LY86: variants seen among roughly 807,000 people sequenced by gnomAD.
LY86 encodes the protein lymphocyte antigen 86.
LY86 carries 20 observed loss-of-function variants against 17.3 expected under a neutral mutation model. The ratio of observed to expected loss-of-function variants is 1.15; its 90% CI spans 0.81 to 1.68. The LOEUF is 1.68. LY86 is among the 40% of genes most tolerant of loss of function. LY86 has a pLI of 0.00. For synonymous variants in LY86, 74 were observed against 70.6 expected (o/e 1.05, Z -0.24); for missense variants, 200 against 191.9 (o/e 1.04, Z -0.25).
In LY86 at chr6:6,595,062, G is replaced by A. The variant is rs529608800; in HGVS notation, c.136+6192G>A. 5.3e-5 allele frequency among the ~76,000 whole-genome samples: 8 copies of A among 152,032 alleles called. No homozygotes were observed. In the South Asian group the frequency reaches 6.2e-4, roughly 12 times the overall value. ...AGTCTTCGGGTAAAAAAGTGAAAAC[G>A]CCAAGCAGTCTGTGGACCAGCAAAA... is the stretch of plus-strand genomic sequence containing the variant. On this transcript the variant is annotated intron_variant, in intron 1 of 4. Coordinates refer to ENST00000230568, the MANE Select transcript of LY86 (RefSeq NM_004271.4).
rs147717233 is a variant in LY86 at position 6,604,938 on chromosome 6, A to G, written c.136+16068A>G. Among the ~76,000 whole-genome samples, 679 of 152,250 alleles carry G rather than the reference A, an allele frequency of 4.5e-3. 3 individuals are homozygous for G. Among genetic ancestry groups the G allele is most frequent in the Non-Finnish European group, 6.9e-3 (466 of 68,010 alleles). On this transcript the variant is annotated intron_variant, in intron 1 of 4. Transcript: ENST00000230568. The stretch of plus-strand genomic sequence containing the variant: ...ACTCTCATAGAAAAGAGAAAATAAC[A>G]ATCAACGTAGAACCTAGAATTCTAT...
At chr6:6,601,019 T>C (rs1581232432) in intron 1 of LY86, among the ~76,000 whole-genome samples, 1 of 152,274 alleles carries the variant, frequency 6.6e-6, no homozygotes, top group East Asian at 1.9e-4. Context: ...TTCCAAAAAA[T>C]ACCTGAGGGG....
At chr6:6,589,233 T>A (rs1049107212) in intron 1 of LY86, among the ~76,000 whole-genome samples, 4 of 152,218 alleles carry the variant, frequency 2.6e-5, no homozygotes, top group African/African-American at 9.7e-5. Context: ...CAGTAGGCCC[T>A]TCCTCAACAC....
intron 1 of LY86, among the ~76,000 whole-genome samples, chr6:6,601,139 A>G (rs1223923200): frequency 6.6e-6 from 1 of 152,130 alleles, no homozygotes; most frequent in African/African-American, 2.4e-5. Context: ...TTTAGAGTCA[A>G]TAACAAAAAC....
intron 1 of LY86, among the ~76,000 whole-genome samples, chr6:6,601,784 TCTAAAGAG>T (rs1194139565): frequency 2.0e-5 from 3 of 152,084 alleles, no homozygotes; most frequent in Non-Finnish European, 4.4e-5. Flanking sequence ...GCTTGCCTCA[TCTAAAGAG>T]GGAAACTGCT....
Position 6,644,154 on chromosome 6 carries a change from A to T in LY86, c.353-5471A>T, listed in dbSNP as rs529879877. Among the ~76,000 whole-genome samples the T allele has an allele frequency of 3.2e-4, 48 of 152,328 alleles. 1 individual carries two copies. The South Asian group carries it at 6.2e-3, about 20-fold the overall frequency. On this transcript the variant is annotated intron_variant, in intron 3 of 4. Transcript: ENST00000230568. ...CTAGCAAGGGCTAGGAAATGGGGAG[A>T]GGGTTGCCTAAAAGAGTTCATGCAG... is the stretch of plus-strand genomic sequence containing the variant.
intron 1 of LY86, among the ~76,000 whole-genome samples, chr6:6,612,481 A>T (rs867860845): frequency 1.4e-4 from 22 of 152,078 alleles, no homozygotes; most frequent in Admixed American, 4.6e-4. Context: ...ATGCAGACCC[A>T]AAGTGTAAAC....
chr6:6,606,704 G>A (rs1390617156), intron 1 of LY86, among the ~76,000 whole-genome samples: 1 of 152,202 alleles, frequency 6.6e-6, no homozygotes, highest in Non-Finnish European at 1.5e-5. Flanking sequence ...GGGCTTGCGG[G>A]CGGACCTGCA....
intron 1 of LY86, chr6:6,621,611 T>G (rs1761678861): frequency 6.6e-6 from 1 of 152,198 alleles, no homozygotes; most frequent in South Asian, 2.1e-4. Context: ...ATCTGGTGGG[T>G]AGAGACCAGG....
intron 1 of LY86, among the ~76,000 whole-genome samples, chr6:6,623,128 CA>C (rs1475776144): frequency 6.6e-6 from 1 of 152,166 alleles, no homozygotes; most frequent in Admixed American, 6.5e-5. Flanking sequence ...GTTATTTTAA[CA>C]GAGAGAATTT....
chr6:6,599,853 C>G (rs1283040357), intron 1 of LY86, among the ~76,000 whole-genome samples: 1 of 51,934 alleles, frequency 1.9e-5, no homozygotes, highest in Non-Finnish European at 7.4e-5. Context: ...ACAGCACCCT[C>G]CCAGGCAAAC....
At chr6:6,591,204 G>A (rs1320297626) in intron 1 of LY86, 2 of 153,788 alleles carry the variant, frequency 1.3e-5, no homozygotes, top group African/African-American at 2.4e-5. Flanking sequence ...ACTTGCAAGA[G>A]GACTGGGCAC....
At chr6:6,602,594 A>C (rs1046425742) in intron 1 of LY86, among the ~76,000 whole-genome samples, 1 of 152,178 alleles carries the variant, frequency 6.6e-6, no homozygotes, top group African/African-American at 2.4e-5. Context: ...AGGCACCAGG[A>C]GAGTGAAGAA....
chr6:6,612,488 A>G (rs887607450), intron 1 of LY86, among the ~76,000 whole-genome samples: 8 of 150,814 alleles, frequency 5.3e-5, no homozygotes, highest in Non-Finnish European at 1.2e-4. Context: ...CCCAAAGTGT[A>G]AACAACAAAA....
chr6:6,650,395 C>T lies in LY86; in HGVS notation c.405+718C>T, dbSNP rs1018180045. 4.0e-5 allele frequency among the ~76,000 whole-genome samples: 6 copies of T among 148,458 alleles called. No homozygotes were observed. The Admixed American group carries it at 4.1e-4, about 10-fold the overall frequency. The stretch of plus-strand genomic sequence containing the variant: ...TGCCTCCCAGGCTGGAGTGCAGGGG[C>T]ATGATCTCAGCTCACTGCAACCTCT... On this transcript the variant is annotated intron_variant, in intron 4 of 4. Transcript: ENST00000230568.
intron 1 of LY86, among the ~76,000 whole-genome samples, chr6:6,603,771 T>C (rs1361916640): frequency 6.6e-6 from 1 of 152,018 alleles, no homozygotes; most frequent in Non-Finnish European, 1.5e-5. Context: ...CCCTTCCCCA[T>C]GTGAGATGGA....
At chr6:6,618,376 C>G (rs1018480812) in intron 1 of LY86, among the ~76,000 whole-genome samples, 3 of 151,916 alleles carry the variant, frequency 2.0e-5, no homozygotes, top group Non-Finnish European at 4.4e-5. Context: ...CCAGAGGGGC[C>G]ATGCAAGATT....
chr6:6,590,720 A>G (rs2113067189), intron 1 of LY86, among the ~76,000 whole-genome samples: 1 of 152,302 alleles, frequency 6.6e-6, no homozygotes. Context: ...CGTTTGAACT[A>G]CAGGAGATGG....
chr6:6,632,062 C>A (rs3804480), intron 3 of LY86, among the ~76,000 whole-genome samples: 1 of 152,034 alleles, frequency 6.6e-6, no homozygotes, highest in African/African-American at 2.4e-5. Flanking sequence ...CACAGGTATG[C>A]GGGGGCTGTC....
Sources: gnomAD v4.1 joint callset for allele counts (sites outside exome capture counted in the v4.1 genomes callset) on GRCh38, gnomAD v4.1.1 for gene constraint, MANE v1.5 for transcripts, NCBI Gene and HGNC (gene_info 2026-07-23, HGNC 2026-07-21) for gene names.